SEC24B: variants seen among roughly 807,000 people sequenced by gnomAD.
SEC24B encodes the protein SEC24 homolog B, COPII component.
In SEC24B, 45 loss-of-function variants were observed where a neutral mutation model predicts 142.8. That is an observed-to-expected ratio of 0.32 (90% CI 0.25 to 0.40). The LOEUF is 0.40. Ranked by LOEUF, SEC24B falls within the 10% of genes least tolerant of loss-of-function variation. The pLI is 1.00. For synonymous variants in SEC24B, 574 were observed against 568.2 expected, an observed-to-expected ratio of 1.01 and a Z score of -0.15; for missense variants, 1,409 against 1,526.8, an observed-to-expected ratio of 0.92 and a Z score of 1.29.
chr4:109,460,623 C>T (rs1731152961), intron 1 of SEC24B, among the ~76,000 whole-genome samples: 1 of 151,804 alleles, frequency 6.6e-6, no homozygotes, highest in African/African-American at 2.4e-5. Context: ...AGTTCCTAAG[C>T]ATGTAACTGT....
chr4:109,533,572 TTTG>T lies in SEC24B; in HGVS notation c.3496-17_3496-15del. On this transcript the variant is annotated intron_variant, in intron 21 of 23. Coordinates refer to ENST00000265175, the MANE Select transcript of SEC24B (RefSeq NM_006323.5). Reference sequence around the variant, plus strand: ...ATTAACTATTAGGGAGTTTTAATATTTTGTTGCTTTTTCTTTTTAGGTTTTTTA... The same window carrying T: ...ATTAACTATTAGGGAGTTTTAATATTTTGCTTTTTCTTTTTAGGTTTTTTA... 6.8e-7 allele frequency: 1 copy of T among 1,475,414 alleles called. No homozygotes were observed. The highest frequency in any genetic ancestry group is 1.2e-5 in the South Asian group (1 of 86,712). 91.4% of individuals were successfully genotyped at this position (1,475,414 alleles called of 1,614,324 possible). A position where few individuals can be genotyped will look rare whatever the true frequency, so the allele number is the denominator to read the frequency against.
rs200347456 is a variant in SEC24B at position 109,526,234 on chromosome 4, A to G, written c.2800A>G (p.Met934Val). ...GATTTTCTCCTTTTTAGGTCTTTCA[A>G]TGCACACTTTTCACGGTAACTTCTT... Reference protein sequence around the residue: ...MRIRCTKGLSMHTFHGNFFVR... With the variant: ...MRIRCTKGLSVHTFHGNFFVR... Residue 934 changes from methionine to valine, a missense_variant, in exon 17 of 24, where the codon ATG (methionine) becomes GTG (valine). Coordinates refer to ENST00000265175, the MANE Select transcript of SEC24B (RefSeq NM_006323.5). 54 of 1,613,446 alleles carry G rather than the reference A, an allele frequency of 3.3e-5. No individual in the cohort carries two copies. The highest frequency in any genetic ancestry group is 1.3e-4 in the Admixed American group (8 of 59,900).
intron 1 of SEC24B, among the ~76,000 whole-genome samples, chr4:109,455,554 G>T (rs1730581076): frequency 1.3e-5 from 2 of 152,114 alleles, no homozygotes; most frequent in South Asian, 4.1e-4. Context: ...GATTCATTTT[G>T]ACTTAATTTT....
intron 1 of SEC24B, among the ~76,000 whole-genome samples, chr4:109,441,678 G>T (rs1462013210): frequency 3.3e-5 from 5 of 151,698 alleles, no homozygotes; most frequent in Non-Finnish European, 7.4e-5. Context: ...CTCCCAGAGT[G>T]CTGGGATTAC....
intron 6 of SEC24B, among the ~76,000 whole-genome samples, chr4:109,505,502 G>A (rs993795318): frequency 3.3e-5 from 5 of 151,968 alleles, no homozygotes; most frequent in East Asian, 1.9e-4. Flanking sequence ...TAAAAACCCC[G>A]TCATCTTAAA....
chr4:109,536,686 C>T (rs1725575395), intron 22 of SEC24B, among the ~76,000 whole-genome samples: 1 of 152,072 alleles, frequency 6.6e-6, no homozygotes, highest in Admixed American at 6.6e-5. Context: ...CCTGCCACCA[C>T]GCCCAGCTAA....
Position 109,510,096 on chromosome 4 carries a change from C to T in SEC24B, c.1761C>T (p.Pro587=), listed in dbSNP as rs777304321. 2 of 1,587,596 alleles carry T rather than the reference C, an allele frequency of 1.3e-6. No individual in the cohort carries two copies. The highest frequency in any genetic ancestry group is 4.5e-5 in the East Asian group (2 of 44,114). The part of the protein sequence containing the change: ...AKLPLGLLLH[P]FRDLTQLPVI... ...TTCCTTTAGGATTGTTGTTACATCCCTTCAGAGACCTAACGGTAAAGTAAC... is the reference window on the plus strand; with the variant it reads ...TTCCTTTAGGATTGTTGTTACATCCTTTCAGAGACCTAACGGTAAAGTAAC... The change falls in exon 8 of 24, where the codon CCC becomes CCT. Residue 587 remains proline, a synonymous_variant. Coordinates refer to ENST00000265175, the MANE Select transcript of SEC24B (RefSeq NM_006323.5).
chr4:109,496,116 AT>A lies in SEC24B; in HGVS notation c.1488+1274del, dbSNP rs35448213. 7.3e-3 allele frequency among the ~76,000 whole-genome samples: 1,059 copies of A among 145,494 alleles called. 9 individuals are homozygous for A. The highest frequency in any genetic ancestry group is 0.022 in the African/African-American group (891 of 39,900). ...AAAGAAAATAAAATACAGGGAAACAATTTTTTTTTTTTTTGAGATGGCATCT... is the reference window on the plus strand; with the variant it reads ...AAAGAAAATAAAATACAGGGAAACAATTTTTTTTTTTTTGAGATGGCATCT... On this transcript the variant is annotated intron_variant, in intron 6 of 23. Transcript: ENST00000265175.
At chr4:109,520,997 A>C (rs1723547979) in intron 12 of SEC24B, 120 bp from the exon 13 acceptor site, 1 of 646,372 alleles carries the variant, frequency 1.5e-6, no homozygotes, top group Admixed American at 3.2e-5. Context: ...CATCTCAAAA[A>C]AATAAATAAA....
In SEC24B at chr4:109,463,220, A is replaced by G. The variant is rs567784377; in HGVS notation, c.453A>G (p.Pro151=). ...ASHLHTSASQ[P]YSSFVNHYNS... is the part of the protein sequence containing the mutation. The stretch of plus-strand genomic sequence containing the variant: ...ATTTGCATACGAGTGCCTCCCAACC[A>G]TACTCCTCTTTTGTGAATCACTACA... The change falls in exon 2 of 24, where the codon CCA becomes CCG. Residue 151 remains proline (P), a synonymous_variant. Coordinates refer to ENST00000265175, the MANE Select transcript of SEC24B (RefSeq NM_006323.5). The G allele has an allele frequency of 2.5e-6, 4 of 1,614,026 alleles. No individual in the cohort carries two copies. Among genetic ancestry groups the G allele is most frequent in the African/African-American group, 1.3e-5 (1 of 74,898 alleles).
At chr4:109,528,920 T>C (rs990945695) in intron 18 of SEC24B, among the ~76,000 whole-genome samples, 4 of 152,030 alleles carry the variant, frequency 2.6e-5, no homozygotes, top group African/African-American at 9.7e-5. Context: ...TCCCAGTACT[T>C]GGGAGGCTGA....
intron 6 of SEC24B, among the ~76,000 whole-genome samples, chr4:109,502,274 T>G (rs1457848348): frequency 6.6e-6 from 1 of 152,212 alleles, no homozygotes; most frequent in East Asian, 1.9e-4. Context: ...AGTCAGAAGC[T>G]TAGATTTTAT....
chr4:109,502,064 A>G (rs1172282393), intron 6 of SEC24B, among the ~76,000 whole-genome samples: 4 of 152,230 alleles, frequency 2.6e-5, no homozygotes, highest in African/African-American at 9.6e-5. Flanking sequence ...TCATTGTAGA[A>G]GTTAGGTTTG....
chr4:109,526,150 G>A, intron 16 of SEC24B, 76 bp from the exon 17 acceptor site: 1 of 1,368,074 alleles, frequency 7.3e-7, no homozygotes, highest in Non-Finnish European at 1.0e-6. Flanking sequence ...AAACATCTTT[G>A]ACTTAAAAAA....
chr4:109,528,022 A>G (rs1430690006), intron 18 of SEC24B, among the ~76,000 whole-genome samples: 1 of 152,172 alleles, frequency 6.6e-6, no homozygotes, highest in Non-Finnish European at 1.5e-5. Flanking sequence ...ATGCAGCAAT[A>G]AAAAGGAATG....
chr4:109,526,692 G>C (rs1383414406), intron 17 of SEC24B, among the ~76,000 whole-genome samples: 4 of 152,132 alleles, frequency 2.6e-5, no homozygotes, highest in African/African-American at 7.2e-5. Context: ...GCCCCAAAAA[G>C]TAAAAAACTG....
chr4:109,462,471 G>C (rs1028116186), intron 1 of SEC24B, among the ~76,000 whole-genome samples: 2 of 152,146 alleles, frequency 1.3e-5, no homozygotes, highest in Non-Finnish European at 1.5e-5. Flanking sequence ...GTTGTTGGCA[G>C]ATCTTAGTTT....
intron 22 of SEC24B, among the ~76,000 whole-genome samples, chr4:109,533,902 C>T (rs962355832): frequency 2.0e-5 from 3 of 152,202 alleles, no homozygotes; most frequent in Non-Finnish European, 4.4e-5. Flanking sequence ...TGTCCCCAGG[C>T]AACTACTAAT....
intron 1 of SEC24B, among the ~76,000 whole-genome samples, chr4:109,453,880 G>A (rs557767514): frequency 1.3e-5 from 2 of 152,102 alleles, no homozygotes; most frequent in Non-Finnish European, 2.9e-5. Flanking sequence ...CGCAACAGAC[G>A]GAGTTTCGCT....
Sources: gnomAD v4.1 joint callset for allele counts (sites outside exome capture counted in the v4.1 genomes callset) on GRCh38, gnomAD v4.1.1 for gene constraint, MANE v1.5 for transcripts, NCBI Gene and HGNC (gene_info 2026-07-23, HGNC 2026-07-21) for gene names.